The following ALPK3 variants were observed in gnomAD, a reference collection of about 807,000 sequenced individuals.
ALPK3 encodes alpha kinase 3, also known as alpha-protein kinase 3.
In ALPK3, 102 loss-of-function variants were observed where a neutral mutation model predicts 140.0. That is an observed-to-expected ratio of 0.73 (90% CI 0.62 to 0.86). The LOEUF is 0.86. ALPK3 is among the 40% of genes least tolerant of loss of function. ALPK3 has a pLI of 0.00. For synonymous variants in ALPK3, 938 were observed against 898.5 expected (o/e 1.04, Z -0.79); for missense variants, 2,254 against 2,208.2 (o/e 1.02, Z -0.42).
rs934554464 is a variant in ALPK3 at position 84,850,005 on chromosome 15, A to G, written c.1654-6387A>G. Among the ~76,000 whole-genome samples, 17 of 145,850 alleles carry G rather than the reference A, an allele frequency of 1.2e-4. 1 individual carries two copies. Among genetic ancestry groups the G allele is most frequent in the African/African-American group, 3.9e-4 (16 of 41,264 alleles). On this transcript the variant is annotated intron_variant, in intron 5 of 13. Coordinates refer to ENST00000258888, the MANE Select transcript of ALPK3 (RefSeq NM_020778.5). ...AAACTTCTGGCAAGACTTAGAAAAA[A>G]AAAAAAAAGAAGACACAAAATACAA... is the stretch of plus-strand genomic sequence containing the variant.
chr15:84,844,751 G>A (rs983981673), intron 5 of ALPK3, among the ~76,000 whole-genome samples: 1 of 152,118 alleles, frequency 6.6e-6, no homozygotes, highest in South Asian at 2.1e-4. Flanking sequence ...CAGCTACTCA[G>A]TAGGCTGAGG....
Position 84,817,393 on chromosome 15 carries a change from G to T in ALPK3, c.-60G>T. 8.2e-7 allele frequency: 1 copy of T among 1,225,692 alleles called. No homozygotes were observed. Among genetic ancestry groups the T allele is most frequent in the Non-Finnish European group, 1.0e-6 (1 of 986,020 alleles). The allele number at this position is 1,225,692 out of a possible 1,614,324, so 75.9% of individuals were successfully genotyped here. On this transcript the variant is annotated 5_prime_UTR_variant, in exon 1 of 14. Coordinates refer to ENST00000258888, the MANE Select transcript of ALPK3 (RefSeq NM_020778.5). ...GGCGGGCAGGGGCCCGGGGGCCGGG[G>T]CCTGGAGGACAGGCGAGGCAGCGGC...
At position 84,817,461 on chromosome 15, in the gene ALPK3, G is replaced by T; in HGVS notation, c.9G>T (p.Ser3=). The T allele has an allele frequency of 1.5e-6, 2 of 1,351,790 alleles. No homozygotes were observed. Among genetic ancestry groups the T allele is most frequent in the Non-Finnish European group, 1.9e-6 (2 of 1,059,358 alleles). 83.7% of individuals were successfully genotyped at this position (1,351,790 alleles called of 1,614,324 possible). The part of the protein sequence containing the change: MG[S]RRAPSRGWGA... ...TCGGGGAGGGCGGTGCCATGGGGTC[G>T]CGGAGGGCCCCCAGCCGGGGCTGGG... is the stretch of plus-strand genomic sequence containing the variant. Residue 3 remains serine (S), a synonymous_variant, in exon 1 of 14, where the codon TCG becomes TCT. Transcript: ENST00000258888.
In ALPK3 at chr15:84,827,467, C is replaced by T. The variant is rs775647699; in HGVS notation, c.183-17C>T. On this transcript the variant is annotated splice_polypyrimidine_tract_variant and intron_variant, in intron 2 of 13. Transcript: ENST00000258888. ...TGTGGGGAAGGCCAGCTCTGAATAG[C>T]TCTTTGCCTCTCTTAGGAGCACCTT... The T allele has an allele frequency of 1.2e-6, 2 of 1,613,894 alleles. No homozygotes were observed. The highest frequency in any genetic ancestry group is 1.7e-6 in the Non-Finnish European group (2 of 1,180,020).
chr15:84,857,984 G>A lies in ALPK3; in HGVS notation c.3246G>A (p.Gly1082=), dbSNP rs1282541847. ...PAIVVDEEDP[G]LASEGASEGE... is the part of the protein sequence containing the mutation. Reference sequence around the variant, plus strand: ...TTGTGGTAGACGAGGAGGACCCTGGGCTGGCCTCAGAAGGAGCCAGTGAGG... The same window carrying A: ...TTGTGGTAGACGAGGAGGACCCTGGACTGGCCTCAGAAGGAGCCAGTGAGG... The change falls in exon 6 of 14, where the codon GGG becomes GGA. Residue 1082 remains glycine (G), a synonymous_variant. Transcript: ENST00000258888. 1.9e-6 allele frequency: 3 copies of A among 1,602,794 alleles called. No individual in the cohort carries two copies. Among genetic ancestry groups the A allele is most frequent in the African/African-American group, 2.7e-5 (2 of 74,746 alleles).
At chr15:84,854,168 TTA>T (rs1350987154) in intron 5 of ALPK3, among the ~76,000 whole-genome samples, 2 of 148,482 alleles carry the variant, frequency 1.3e-5, no homozygotes, top group Non-Finnish European at 3.0e-5. Context: ...TTAAAAATAT[TTA>T]TATGTTATAA....
Position 84,862,698 on chromosome 15 carries a change from G to A in ALPK3, c.4193G>A (p.Trp1398Ter). 1 of 1,614,178 alleles carries A rather than the reference G, an allele frequency of 6.2e-7. No homozygotes were observed. Among genetic ancestry groups the A allele is most frequent in the Non-Finnish European group, 8.5e-7 (1 of 1,180,026 alleles). Reference sequence around the variant, plus strand: ...AAGGGTCTGGCTGACTCTGGCTGCTGGGGGGACAAGCTCTTTGGGCGACTG... The same window carrying A: ...AAGGGTCTGGCTGACTCTGGCTGCTAGGGGGACAAGCTCTTTGGGCGACTG... ...FAKGLADSGC[W>*]GDKLFGRLVS... The change falls in exon 10 of 14, where the codon TGG (tryptophan) becomes TAG (stop). Residue 1398 changes from tryptophan to a stop codon, truncating the protein, a stop_gained. Transcript: ENST00000258888. LOFTEE classifies it high-confidence loss of function.
intron 3 of ALPK3, among the ~76,000 whole-genome samples, chr15:84,838,114 G>A (rs1486925729): frequency 6.6e-6 from 1 of 152,188 alleles, no homozygotes. Context: ...CAGTGACAGG[G>A]TGGGTAGGAA....
Position 84,868,623 on chromosome 15 carries a change from G to A in ALPK3, c.*167G>A, listed in dbSNP as rs2141576614. 4 of 707,228 alleles carry A rather than the reference G, an allele frequency of 5.7e-6. No homozygotes were observed. The East Asian group carries it at 1.1e-4, about 19-fold the overall frequency. 43.8% of individuals were successfully genotyped at this position (707,228 alleles called of 1,614,324 possible). A position where few individuals can be genotyped will look rare whatever the true frequency, so the allele number is the denominator to read the frequency against. The stretch of plus-strand genomic sequence containing the variant: ...CTCGTGAATCAGCTCGTCATCAGAT[G>A]GCTTTGGTGCATGGCACATAGCCCA... On this transcript the variant is annotated 3_prime_UTR_variant, in exon 14 of 14. Coordinates refer to ENST00000258888, the MANE Select transcript of ALPK3 (RefSeq NM_020778.5).
intron 2 of ALPK3, among the ~76,000 whole-genome samples, chr15:84,824,695 G>C (rs189572297): frequency 1.3e-5 from 2 of 152,306 alleles, no homozygotes; most frequent in Non-Finnish European, 2.9e-5. Flanking sequence ...CTAAGGGCGA[G>C]GTTAGGTTCC....
intron 7 of ALPK3, 80 bp from the exon 8 acceptor site, chr15:84,859,696 G>C: frequency 6.7e-7 from 1 of 1,491,002 alleles, no homozygotes; most frequent in Admixed American, 2.3e-5. Flanking sequence ...AGCAGCCTCT[G>C]AGAGTGGGGT....
chr15:84,827,628 C>T (rs1458683354), intron 3 of ALPK3, 23 bp downstream of exon 3: 2 of 1,613,358 alleles, frequency 1.2e-6, no homozygotes, highest in South Asian at 2.2e-5. Flanking sequence ...TCTGTATGCT[C>T]CATGCCAGGG....
chr15:84,848,721 C>CCATTT (rs1596152523), intron 5 of ALPK3, among the ~76,000 whole-genome samples: 1 of 152,094 alleles, frequency 6.6e-6, no homozygotes, highest in East Asian at 1.9e-4. Context: ...AATAAGAAAT[C>CCATTT]CATTTCAAAT....
chr15:84,842,772 T>C (rs985735037), intron 5 of ALPK3, among the ~76,000 whole-genome samples: 7 of 152,222 alleles, frequency 4.6e-5, no homozygotes, highest in African/African-American at 1.7e-4. Flanking sequence ...AACCAGACTT[T>C]CTGGAACCTG....
At position 84,857,857 on chromosome 15, in the gene ALPK3, T is replaced by C; in HGVS notation, c.3119T>C (p.Leu1040Pro). The C allele has an allele frequency of 6.2e-7, 1 of 1,612,142 alleles. No individual in the cohort carries two copies. Among genetic ancestry groups the C allele is most frequent in the Non-Finnish European group, 8.5e-7 (1 of 1,179,208 alleles). Residue 1040 changes from leucine (L) to proline (P), a missense_variant, in exon 6 of 14, where the codon CTC becomes CCC. By Grantham distance (98) the Leu-to-Pro change is moderately conservative. Around this residue, in one of 3 missense-constraint regions of ALPK3, gnomAD observed 2,088 missense variants for 2,022.9 expected, o/e 1.03. Coordinates refer to ENST00000258888, the MANE Select transcript of ALPK3 (RefSeq NM_020778.5). Reference sequence around the variant, plus strand: ...CTGAGCCCCTGTACCTCCCGCCGCCTCACCGGCCTCCTGGACCGTGAGGTG... The same window carrying C: ...CTGAGCCCCTGTACCTCCCGCCGCCCCACCGGCCTCCTGGACCGTGAGGTG... ...LLLSPCTSRRLTGLLDREVQA... is the reference protein window; with the variant it reads ...LLLSPCTSRRPTGLLDREVQA...
chr15:84,863,444 C>A, intron 10 of ALPK3, 108 bp from the exon 11 acceptor site: 1 of 922,492 alleles, frequency 1.1e-6, no homozygotes, highest in Non-Finnish European at 1.6e-6. Flanking sequence ...GGGCTGGAAT[C>A]CTCCTCTCAG....
At position 84,857,536 on chromosome 15, in the gene ALPK3, A is replaced by T. The variant is rs758445691; in HGVS notation, c.2798A>T (p.Glu933Val). The change falls in exon 6 of 14, where the codon GAG (glutamate) becomes GTG (valine). Residue 933 changes from glutamate (E) to valine (V), a missense_variant. Physicochemically the swap from Glu to Val is moderately radical, Grantham distance 121. Coordinates refer to ENST00000258888, the MANE Select transcript of ALPK3 (RefSeq NM_020778.5). The stretch of plus-strand genomic sequence containing the variant: ...CCAGAAACCATGGCCACCAGCAGTG[A>T]GGGGGCCTGCGCCCAGGTACCAGAT... ...HPPETMATSS[E>V]GACAQVPDVE... 3.3e-5 allele frequency: 53 copies of T among 1,590,766 alleles called. No homozygotes were observed. The highest frequency in any genetic ancestry group is 4.4e-5 in the Non-Finnish European group (51 of 1,167,724).
chr15:84,835,729 C>A lies in ALPK3; in HGVS notation c.305-3251C>A, dbSNP rs1211105121. ...GGACTGAACCCATCTTTCCTGAAATCCTGCCCACCCTCCAAGTTGAGTTCA... is the reference window on the plus strand; with the variant it reads ...GGACTGAACCCATCTTTCCTGAAATACTGCCCACCCTCCAAGTTGAGTTCA... On this transcript the variant is annotated intron_variant, in intron 3 of 13. Transcript: ENST00000258888. Among the ~76,000 whole-genome samples the A allele has an allele frequency of 2.6e-5, 4 of 152,310 alleles. No individual in the cohort carries two copies. The East Asian group carries it at 7.7e-4, about 29-fold the overall frequency.
chr15:84,849,878 C>G (rs1963781262), intron 5 of ALPK3, among the ~76,000 whole-genome samples: 1 of 150,388 alleles, frequency 6.6e-6, no homozygotes. Context: ...AAATCCAAAG[C>G]AAACAGATAG....
Sources: gnomAD v4.1 joint callset for allele counts (sites outside exome capture counted in the v4.1 genomes callset) on GRCh38, gnomAD v4.1.1 for gene constraint, gnomAD v4.1.1 regional missense constraint, MANE v1.5 for transcripts, NCBI Gene and HGNC (gene_info 2026-07-23, HGNC 2026-07-21) for gene names.